Variants in USP8 observed in about 807,000 individuals in gnomAD.
The protein encoded by USP8 is ubiquitin carboxyl-terminal hydrolase 8.
Under a neutral mutation model 130.0 loss-of-function variants are expected in USP8, and 27 were observed. The ratio of observed to expected loss-of-function variants is 0.21; its 90% CI spans 0.15 to 0.29. The LOEUF is 0.29. Among genes scored for constraint, USP8 ranks in the 10% least tolerant of loss-of-function variants. The probability of loss-of-function intolerance (pLI) is 1.00; values close to 1 mark genes in which losing one functional copy is unlikely to be tolerated. For synonymous variants in USP8, 392 were observed against 444.1 expected (o/e 0.88, Z 1.48); for missense variants, 1,029 against 1,312.2 (o/e 0.78, Z 3.33).
intron 16 of USP8, among the ~76,000 whole-genome samples, chr15:50,495,311 T>C: frequency 9.1e-5 from 1 of 10,954 alleles, no homozygotes; most frequent in Non-Finnish European, 1.8e-4. Context: ...TACGTGTATA[T>C]ATACATACAT....
chr15:50,439,753 G>T (rs1251417133), intron 2 of USP8, among the ~76,000 whole-genome samples: 2 of 150,338 alleles, frequency 1.3e-5, no homozygotes, highest in Non-Finnish European at 3.0e-5. Context: ...TTGTGCGATT[G>T]CACTGCAGCT....
chr15:50,439,792 A>G, intron 2 of USP8, among the ~76,000 whole-genome samples: 1 of 79,690 alleles, frequency 1.3e-5, no homozygotes, highest in South Asian at 3.7e-4. Context: ...CTCTGTCTCA[A>G]TAATAATAAT....
chr15:50,466,703 A>G (rs1400545291), intron 7 of USP8: 2 of 203,528 alleles, frequency 9.8e-6, no homozygotes, highest in African/African-American at 2.3e-5. Flanking sequence ...TTGCTCTCGC[A>G]GAGGAACCGG....
Position 50,506,957 on chromosome 15 carries a change from C to CAAAAAAAAAAAAAAAAA in USP8, c.*7886_*7902dup, listed in dbSNP as rs58329541. Reference sequence around the variant, plus strand: ...TGGGCGACAGAGCGAGACTTCATCTCAAAAAAAAAAAAAAAAAAAAAAAAA... The same window carrying CAAAAAAAAAAAAAAAAA: ...TGGGCGACAGAGCGAGACTTCATCTCAAAAAAAAAAAAAAAAAAAAAAAAAAAAAAAAAAAAAAAAAA... On this transcript the variant is annotated 3_prime_UTR_variant, in exon 20 of 20. Coordinates refer to ENST00000307179, the MANE Select transcript of USP8 (RefSeq NM_005154.5). 2.2e-5 allele frequency: 1 copy of CAAAAAAAAAAAAAAAAA among 46,224 alleles called. No homozygotes were observed. Among genetic ancestry groups the CAAAAAAAAAAAAAAAAA allele is most frequent in the Non-Finnish European group, 3.5e-5 (1 of 28,170 alleles). The allele number at this position is 46,224 out of a possible 1,614,324, so 2.9% of individuals were successfully genotyped here.
At chr15:50,449,075 A>G (rs2050528968) in intron 3 of USP8, among the ~76,000 whole-genome samples, 1 of 152,206 alleles carries the variant, frequency 6.6e-6, no homozygotes. Flanking sequence ...TTTAATAAGA[A>G]AATATACTTT....
Position 50,500,624 on chromosome 15 carries a change from C to T in USP8, c.*1536C>T. On this transcript the variant is annotated 3_prime_UTR_variant, in exon 20 of 20. Coordinates refer to ENST00000307179, the MANE Select transcript of USP8 (RefSeq NM_005154.5). ...CACCAGATGCTGACTGCTTGTTTTG[C>T]AGTGTTCAGGAAACACCATTTTCCT... 1.5e-6 allele frequency: 1 copy of T among 669,006 alleles called. No individual in the cohort carries two copies. The highest frequency in any genetic ancestry group is 2.8e-5 in the East Asian group (1 of 35,110). The allele number at this position is 669,006 out of a possible 1,614,324, so 41.4% of individuals were successfully genotyped here. A position where few individuals can be genotyped will look rare whatever the true frequency, so the allele number is the denominator to read the frequency against.
At chr15:50,497,255 T>C in intron 18 of USP8, 24 bp downstream of exon 18, 1 of 1,571,570 alleles carries the variant, frequency 6.4e-7, no homozygotes, top group African/African-American at 1.4e-5. Flanking sequence ...TTTGTCCTCC[T>C]GTTCAGTGAA....
chr15:50,469,348 A>G lies in USP8; in HGVS notation c.687-2285A>G, dbSNP rs74788523. ...TAGAGCAGAGTTGGAGCAGATTGTG[A>G]AGATGGTACATAAAAGACAGAAGTT... On this transcript the variant is annotated intron_variant, in intron 7 of 19. Transcript: ENST00000307179. Among the ~76,000 whole-genome samples the G allele has an allele frequency of 1.2e-3, 177 of 152,274 alleles. 2 individuals carry two copies. In the East Asian group the frequency reaches 0.034, roughly 29 times the overall value.
At position 50,503,364 on chromosome 15, in the gene USP8, G is replaced by C. The variant is rs1209224057; in HGVS notation, c.*4276G>C. On this transcript the variant is annotated 3_prime_UTR_variant, in exon 20 of 20. Transcript: ENST00000307179. Reference sequence around the variant, plus strand: ...AAATTTAACAACAGTATGGTGTGTGGTTTATGCTTTGTGACTGCCTGGGCG... The same window carrying C: ...AAATTTAACAACAGTATGGTGTGTGCTTTATGCTTTGTGACTGCCTGGGCG... The C allele has an allele frequency of 6.6e-6, 1 of 152,260 alleles. No individual in the cohort carries two copies. The highest frequency in any genetic ancestry group is 1.5e-5 in the Non-Finnish European group (1 of 68,096). 9.4% of individuals were successfully genotyped at this position (152,260 alleles called of 1,614,324 possible). A position where few individuals can be genotyped will look rare whatever the true frequency, so the allele number is the denominator to read the frequency against.
chr15:50,468,662 C>T (rs2051276992), intron 7 of USP8, among the ~76,000 whole-genome samples: 1 of 152,102 alleles, frequency 6.6e-6, no homozygotes, highest in Non-Finnish European at 1.5e-5. Context: ...GTATTAAGCT[C>T]AGTACCCAAT....
chr15:50,492,125 G>A (rs1482387207), intron 14 of USP8, among the ~76,000 whole-genome samples: 9 of 152,122 alleles, frequency 5.9e-5, no homozygotes, highest in Non-Finnish European at 8.8e-5. Flanking sequence ...GCCTCCCAAA[G>A]TGGTGGGATT....
intron 2 of USP8, among the ~76,000 whole-genome samples, chr15:50,440,920 T>G (rs1313634859): frequency 1.3e-5 from 2 of 151,624 alleles, no homozygotes; most frequent in Non-Finnish European, 2.9e-5. Flanking sequence ...GAGAATCACT[T>G]GAATCCGGGA....
chr15:50,466,605 A>AG (rs1458872151), intron 7 of USP8: 7 of 155,714 alleles, frequency 4.5e-5, no homozygotes, highest in Admixed American at 1.3e-4. Flanking sequence ...AAAAAAAAAA[A>AG]AAAAAAAATT....
rs928608887 is a variant in USP8, at chr15:50,491,872, A to AT, written c.2235-817dup. Among the ~76,000 whole-genome samples the AT allele has an allele frequency of 7.0e-3, 1,036 of 147,836 alleles. 14 individuals are homozygous for AT. Among genetic ancestry groups the AT allele is most frequent in the African/African-American group, 0.024 (973 of 40,566 alleles). On this transcript the variant is annotated intron_variant, in intron 14 of 19. Coordinates refer to ENST00000307179, the MANE Select transcript of USP8 (RefSeq NM_005154.5). Reference sequence around the variant, plus strand: ...GAAACGTGATTAGTGCAACTAAGGAATTTTTTTTTTTTGAGACGGAATCTC... The same window carrying AT: ...GAAACGTGATTAGTGCAACTAAGGAATTTTTTTTTTTTTGAGACGGAATCTC...
rs1035156493 is a variant in USP8, at chr15:50,479,829, G to A, written c.1219-1652G>A. ...GCTGGAGTGCAGTGGCGTGATCACA[G>A]CTCACTGCAGCCTCGACTTCCTGGG... On this transcript the variant is annotated intron_variant, in intron 10 of 19. Transcript: ENST00000307179. 1.8e-4 allele frequency among the ~76,000 whole-genome samples: 27 copies of A among 152,012 alleles called. 1 individual carries two copies. Among genetic ancestry groups the A allele is most frequent in the African/African-American group, 6.0e-4 (25 of 41,468 alleles).
intron 16 of USP8, among the ~76,000 whole-genome samples, chr15:50,494,628 GTA>G (rs2052304009): frequency 6.6e-6 from 1 of 152,194 alleles, no homozygotes; most frequent in Admixed American, 6.5e-5. Flanking sequence ...TATATAATAT[GTA>G]TATGTTATTG....
intron 3 of USP8, among the ~76,000 whole-genome samples, chr15:50,446,440 T>TA (rs1407390131): frequency 6.6e-6 from 1 of 152,196 alleles, no homozygotes; most frequent in Non-Finnish European, 1.5e-5. Flanking sequence ...AGTTCATGTG[T>TA]AAAAATGAAT....
At chr15:50,477,243 T>C in intron 9 of USP8, 33 bp from the exon 10 acceptor site, 2 of 1,583,332 alleles carry the variant, frequency 1.3e-6, no homozygotes, top group Non-Finnish European at 1.7e-6. Context: ...GGGTTTGCTA[T>C]TCTAAAAAAC....
intron 16 of USP8, among the ~76,000 whole-genome samples, chr15:50,495,361 G>T (rs187327114): frequency 5.3e-5 from 8 of 150,208 alleles, no homozygotes; most frequent in East Asian, 2.0e-4. Context: ...TACATATATA[G>T]AGAGAGAGAG....
Sources: gnomAD v4.1 joint callset for allele counts (sites outside exome capture counted in the v4.1 genomes callset) on GRCh38, gnomAD v4.1.1 for gene constraint, MANE v1.5 for transcripts, NCBI Gene and HGNC (gene_info 2026-07-23, HGNC 2026-07-21) for gene names.